Variants in GDA observed in about 807,000 individuals in gnomAD.
The protein encoded by GDA is guanine deaminase.
In GDA, 18 loss-of-function variants were observed where a neutral mutation model predicts 59.6. The observed-to-expected ratio is 0.30, with a 90% confidence interval of 0.21 to 0.45. GDA has a LOEUF of 0.45. Among genes scored for constraint, GDA ranks in the 20% least tolerant of loss-of-function variants. GDA has a pLI of 1.00. For missense variants in GDA, 427 were observed against 552.3 expected, an observed-to-expected ratio of 0.77 and a Z score of 2.27; for synonymous variants, 201 against 201.1, an observed-to-expected ratio of 1.00 and a Z score of 0.00.
At chr9:72,149,965 AC>A (rs1033319461) in intron 1 of GDA, among the ~76,000 whole-genome samples, 2 of 151,044 alleles carry the variant, frequency 1.3e-5, no homozygotes, top group East Asian at 2.0e-4. Context: ...CAAGGATGTC[AC>A]CCCCCGCTCC....
upstream of GDA, among the ~76,000 whole-genome samples, chr9:72,147,949 C>T (rs7863016): frequency 9.9e-4 from 151 of 152,130 alleles, no homozygotes; most frequent in Non-Finnish European, 1.9e-3. Flanking sequence ...ATGGTTCTGA[C>T]GGTTTTCCTG....
At chr9:72,217,743 G>T (rs903494710) in intron 5 of GDA, among the ~76,000 whole-genome samples, 2 of 151,836 alleles carry the variant, frequency 1.3e-5, no homozygotes, top group African/African-American at 4.8e-5. Flanking sequence ...TTTGGTTGTG[G>T]GTCATACTAT....
Position 72,213,971 on chromosome 9 carries a change from A to G in GDA, c.558A>G (p.Glu186=), listed in dbSNP as rs1242311932. 1 of 1,598,600 alleles carries G rather than the reference A, an allele frequency of 6.3e-7. No homozygotes were observed. The highest frequency in any genetic ancestry group is 1.7e-5 in the Admixed American group (1 of 59,974). ...CAGAATACAAGGAGACCACTGAGGA[A>G]TCGATCAAGGAAACTGAGAGGTAAA... The part of the protein sequence containing the change: ...TFPEYKETTE[E]SIKETERFVS... Residue 186 remains glutamate, a synonymous_variant, in exon 5 of 14, where the codon GAA becomes GAG. Transcript: ENST00000358399.
At chr9:72,153,087 G>C in intron 1 of GDA, among the ~76,000 whole-genome samples, 1 of 152,184 alleles carries the variant, frequency 6.6e-6, no homozygotes, top group African/African-American at 2.4e-5. Context: ...GTTTGTCAAA[G>C]ATCAGATAGT....
At chr9:72,115,394 T>C (rs1825402458) in intron 1 of GDA, among the ~76,000 whole-genome samples, 2 of 152,318 alleles carry the variant, frequency 1.3e-5, no homozygotes, top group African/African-American at 4.8e-5. Flanking sequence ...TATAGAGTAT[T>C]AACAGAATGT....
upstream of GDA, among the ~76,000 whole-genome samples, chr9:72,145,560 A>G (rs537509339): frequency 1.4e-3 from 212 of 152,342 alleles, 2 homozygotes; most frequent in African/African-American, 5.0e-3. Context: ...TGACTAAGCT[A>G]CAGGTATAAT....
chr9:72,149,772 C>G, intron 1 of GDA, 90 bp downstream of exon 1: 1 of 1,360,250 alleles, frequency 7.4e-7, no homozygotes, highest in South Asian at 1.5e-5. Flanking sequence ...CCGGGGTTCG[C>G]TCGGTGCGCA....
At chr9:72,233,622 G>T (rs1194646248) in intron 10 of GDA, among the ~76,000 whole-genome samples, 3 of 152,138 alleles carry the variant, frequency 2.0e-5, no homozygotes, top group Non-Finnish European at 4.4e-5. Flanking sequence ...TTACCCTAGA[G>T]AAATAAACAT....
At chr9:72,221,256 C>A (rs1416663017) in intron 6 of GDA, among the ~76,000 whole-genome samples, 1 of 152,160 alleles carries the variant, frequency 6.6e-6, no homozygotes, top group African/African-American at 2.4e-5. Flanking sequence ...CTCCCCAGCA[C>A]TCTTTTAAAA....
chr9:72,193,609 G>A (rs1832814345), intron 1 of GDA, among the ~76,000 whole-genome samples: 1 of 152,182 alleles, frequency 6.6e-6, no homozygotes, highest in Non-Finnish European at 1.5e-5. Context: ...CACAGCACTG[G>A]GTGTTGTCCA....
At chr9:72,223,677 T>A (rs146184546) in intron 7 of GDA, among the ~76,000 whole-genome samples, 21 of 152,350 alleles carry the variant, frequency 1.4e-4, no homozygotes, top group African/African-American at 4.6e-4. Context: ...CAAAATAGCA[T>A]TTAAAATCCC....
Position 72,149,456 on chromosome 9 carries a change from C to A in GDA, c.-104C>A. Reference sequence around the variant, plus strand: ...AGCGGGGGCAGGACAAGGCCGGAGCCTGTGTCCGCCCGGCAGCCGCCCGCA... The same window carrying A: ...AGCGGGGGCAGGACAAGGCCGGAGCATGTGTCCGCCCGGCAGCCGCCCGCA... On this transcript the variant is annotated 5_prime_UTR_variant, in exon 1 of 14. The change creates a new upstream start codon in the 5' untranslated region. Transcript: ENST00000358399. 2 of 1,395,790 alleles carry A rather than the reference C, an allele frequency of 1.4e-6. No homozygotes were observed. The highest frequency in any genetic ancestry group is 1.9e-6 in the Non-Finnish European group (2 of 1,031,776). 86.5% of individuals were successfully genotyped at this position (1,395,790 alleles called of 1,614,324 possible).
Position 72,202,629 on chromosome 9 carries a change from G to C in GDA, c.271G>C (p.Ala91Pro). 3.1e-6 allele frequency: 5 copies of C among 1,612,012 alleles called. No individual in the cohort carries two copies. The highest frequency in any genetic ancestry group is 4.2e-6 in the Non-Finnish European group (5 of 1,178,110). ...CATCCATGCCTCTCAGTATTCCTTT[G>C]CTGGAAGTAGCATAGACCTGCCACT... is the stretch of plus-strand genomic sequence containing the variant. Reference protein sequence around the residue: ...THIHASQYSFAGSSIDLPLLE... With the variant: ...THIHASQYSFPGSSIDLPLLE... Residue 91 changes from alanine (A) to proline (P), a missense_variant, in exon 3 of 14, where the codon GCT becomes CCT. Ala to Pro is a conservative substitution (Grantham distance 27). Transcript: ENST00000358399.
At chr9:72,177,092 C>CTTTTTTTT (rs58433062) in intron 1 of GDA, among the ~76,000 whole-genome samples, 3 of 67,798 alleles carry the variant, frequency 4.4e-5, no homozygotes. Flanking sequence ...TTATAAACTG[C>CTTTTTTTT]TTTTTTTTTT....
chr9:72,136,012 A>G (rs1411850467), intron 1 of GDA, among the ~76,000 whole-genome samples: 1 of 152,116 alleles, frequency 6.6e-6, no homozygotes, highest in Non-Finnish European at 1.5e-5. Context: ...CTGTATTGCA[A>G]TTAACTTTTT....
chr9:72,191,480 T>G (rs1261000645), intron 1 of GDA, among the ~76,000 whole-genome samples: 2 of 151,902 alleles, frequency 1.3e-5, no homozygotes, highest in East Asian at 3.9e-4. Flanking sequence ...GCTCTTTTTT[T>G]TTTTTTTTTG....
chr9:72,177,386 G>A (rs58586127), intron 1 of GDA, among the ~76,000 whole-genome samples: 28 of 152,082 alleles, frequency 1.8e-4, no homozygotes, highest in African/African-American at 6.0e-4. Context: ...GTGAGCCACC[G>A]TGCCTGGACA....
intron 10 of GDA, among the ~76,000 whole-genome samples, chr9:72,232,080 A>C (rs1305265241): frequency 6.6e-6 from 1 of 152,218 alleles, no homozygotes; most frequent in Admixed American, 6.5e-5. Context: ...TTGCTTCGAA[A>C]GTGTGAGTCA....
chr9:72,247,721 G>A lies in GDA; in HGVS notation c.1294+288G>A, dbSNP rs2295902. On this transcript the variant is annotated intron_variant, in intron 13 of 13. Coordinates refer to ENST00000358399, the MANE Select transcript of GDA (RefSeq NM_004293.5). ...ATGTTCAACCCTCTTGTACTCATTC[G>A]GTATCTGACATACTGCCCTGCCATG... Among the ~76,000 whole-genome samples, 513 of 152,198 alleles carry A rather than the reference G, an allele frequency of 3.4e-3. 6 individuals carry two copies. In the East Asian group the frequency reaches 0.049, roughly 14 times the overall value.
Sources: allele counts gnomAD v4.1 joint callset (sites outside exome capture counted in the v4.1 genomes callset), GRCh38; gene constraint gnomAD v4.1.1; transcripts MANE v1.5; gene names NCBI Gene and HGNC (gene_info 2026-07-23, HGNC 2026-07-21).